The following KIAA1549L variants were observed in gnomAD, a reference collection of about 807,000 sequenced individuals.
KIAA1549L encodes KIAA1549 like.
Under a neutral mutation model 160.7 loss-of-function variants are expected in KIAA1549L, and 88 were observed. The ratio of observed to expected loss-of-function variants is 0.55; its 90% CI spans 0.46 to 0.65. KIAA1549L has a LOEUF of 0.65. KIAA1549L is among the 30% of genes least tolerant of loss of function. The pLI, the probability that KIAA1549L is intolerant of heterozygous loss-of-function variation, is 0.00. For synonymous variants in KIAA1549L, 950 were observed against 976.7 expected (o/e 0.97, Z 0.51); for missense variants, 2,258 against 2,437.5 (o/e 0.93, Z 1.55).
intron 1 of KIAA1549L, among the ~76,000 whole-genome samples, chr11:33,515,287 C>T (rs1391975053): frequency 6.6e-6 from 1 of 152,216 alleles, no homozygotes; most frequent in African/African-American, 2.4e-5. Flanking sequence ...TGTTCTCTCT[C>T]TCTCCATACC....
At chr11:33,607,384 G>A (rs1850534590) in intron 14 of KIAA1549L, among the ~76,000 whole-genome samples, 1 of 152,050 alleles carries the variant, frequency 6.6e-6, no homozygotes, top group Non-Finnish European at 1.5e-5. Flanking sequence ...AAAAAAAATT[G>A]TAACATTCAC....
intron 1 of KIAA1549L, among the ~76,000 whole-genome samples, chr11:33,432,144 AGC>A (rs1851262307): frequency 6.6e-6 from 1 of 152,188 alleles, no homozygotes; most frequent in African/African-American, 2.4e-5. Context: ...CCTCCCCGCA[AGC>A]TGAGGGAGTG....
At chr11:33,647,813 G>A (rs1026889193) in intron 17 of KIAA1549L, among the ~76,000 whole-genome samples, 2 of 151,860 alleles carry the variant, frequency 1.3e-5, no homozygotes, top group Admixed American at 1.3e-4. Context: ...TCCATTGTGG[G>A]TCATATGATG....
At chr11:33,556,468 AT>A (rs1161017964) in intron 6 of KIAA1549L, among the ~76,000 whole-genome samples, 6 of 152,252 alleles carry the variant, frequency 3.9e-5, no homozygotes, top group African/African-American at 1.4e-4. Context: ...ATGGAATATT[AT>A]TCAGCCTTTA....
rs1205849855 is a variant in KIAA1549L, at chr11:33,439,563, C to T, written c.238+62674C>T. ...GACTACAGGCGCCCACCAGCATGCC[C>T]GGCTAATTTTTTTTTTTTTTTTTTT... On this transcript the variant is annotated intron_variant, in intron 1 of 20. Coordinates refer to ENST00000658780, the MANE Select transcript of KIAA1549L (RefSeq NM_012194.3). Among the ~76,000 whole-genome samples, 7 of 144,456 alleles carry T rather than the reference C, an allele frequency of 4.8e-5. No homozygotes were observed. In the East Asian group the frequency reaches 6.0e-4, roughly 12 times the overall value. 94.8% of individuals were successfully genotyped at this position (144,456 alleles called of 152,430 possible). A position where few individuals can be genotyped will look rare whatever the true frequency, so the allele number is the denominator to read the frequency against.
At chr11:33,642,651 G>A (rs1194728889) in intron 16 of KIAA1549L, among the ~76,000 whole-genome samples, 1 of 149,992 alleles carries the variant, frequency 6.7e-6, no homozygotes, top group African/African-American at 2.5e-5. Flanking sequence ...TCAGGGTAGA[G>A]TAGGTAATCA....
At chr11:33,648,621 G>T (rs2133412562) in intron 17 of KIAA1549L, among the ~76,000 whole-genome samples, 1 of 151,912 alleles carries the variant, frequency 6.6e-6, no homozygotes, top group South Asian at 2.1e-4. Flanking sequence ...CATGGAAAAG[G>T]TTACTGCTGG....
At chr11:33,441,384 T>C (rs1851502785) in intron 1 of KIAA1549L, among the ~76,000 whole-genome samples, 1 of 151,942 alleles carries the variant, frequency 6.6e-6, no homozygotes, top group African/African-American at 2.4e-5. Flanking sequence ...TAAACATATG[T>C]GTGCATGTGT....
intron 1 of KIAA1549L, among the ~76,000 whole-genome samples, chr11:33,399,231 G>A (rs1384852262): frequency 6.6e-6 from 1 of 152,140 alleles, no homozygotes; most frequent in Non-Finnish European, 1.5e-5. Context: ...AGGATTACAG[G>A]TGTGAGTCAC....
intron 1 of KIAA1549L, among the ~76,000 whole-genome samples, chr11:33,518,044 G>A (rs1009380271): frequency 3.1e-4 from 45 of 146,542 alleles, no homozygotes; most frequent in African/African-American, 1.1e-3. Context: ...GGAGGCTGAG[G>A]CAGATAATTG....
At chr11:33,609,651 G>T in intron 14 of KIAA1549L, 98 bp from the exon 15 acceptor site, 1 of 964,634 alleles carries the variant, frequency 1.0e-6, no homozygotes, top group Admixed American at 2.1e-5. Flanking sequence ...GGTGATGCCT[G>T]TGATGGCTTT....
At chr11:33,529,412 G>A (rs1853687562) in intron 1 of KIAA1549L, among the ~76,000 whole-genome samples, 1 of 152,118 alleles carries the variant, frequency 6.6e-6, no homozygotes, top group East Asian at 1.9e-4. Context: ...TTGCTCTTCT[G>A]GATGGCAATC....
intron 16 of KIAA1549L, among the ~76,000 whole-genome samples, chr11:33,630,388 A>G (rs367766134): frequency 9.9e-5 from 15 of 151,928 alleles, no homozygotes; most frequent in Middle Eastern, 3.2e-3. Context: ...CCTCGCTGCC[A>G]CCTTGCAGTT....
intron 6 of KIAA1549L, among the ~76,000 whole-genome samples, chr11:33,554,508 T>C (rs533046988): frequency 6.6e-6 from 1 of 152,230 alleles, no homozygotes; most frequent in South Asian, 2.1e-4. Flanking sequence ...TCTCTTCCTG[T>C]CTTCGTTGGC....
chr11:33,437,271 A>G (rs781637196), intron 1 of KIAA1549L, among the ~76,000 whole-genome samples: 1 of 152,158 alleles, frequency 6.6e-6, no homozygotes, highest in Non-Finnish European at 1.5e-5. Flanking sequence ...CTGGGGTTGT[A>G]GCCTTTCGTG....
chr11:33,470,345 G>T (rs1408467824), intron 1 of KIAA1549L, among the ~76,000 whole-genome samples: 4 of 151,966 alleles, frequency 2.6e-5, no homozygotes, highest in African/African-American at 9.7e-5. Context: ...TTTACTTTTG[G>T]ACTCTCAGTT....
chr11:33,466,060 G>A (rs1433709855), intron 1 of KIAA1549L, among the ~76,000 whole-genome samples: 2 of 152,162 alleles, frequency 1.3e-5, no homozygotes, highest in African/African-American at 4.8e-5. Flanking sequence ...TCCATACATT[G>A]TAGACTGCTT....
At chr11:33,617,619 C>T (rs897045767) in intron 15 of KIAA1549L, among the ~76,000 whole-genome samples, 6 of 152,196 alleles carry the variant, frequency 3.9e-5, no homozygotes, top group Non-Finnish European at 7.3e-5. Context: ...TTTGTCACAG[C>T]TTAATAGCAC....
intron 1 of KIAA1549L, among the ~76,000 whole-genome samples, chr11:33,428,013 G>A (rs764159888): frequency 2.0e-5 from 3 of 152,088 alleles, no homozygotes; most frequent in South Asian, 2.1e-4. Flanking sequence ...TTATCAGTTC[G>A]TCCACTGATA....
Sources: allele counts gnomAD v4.1 joint callset (sites outside exome capture counted in the v4.1 genomes callset), GRCh38; gene constraint gnomAD v4.1.1; transcripts MANE v1.5; gene names NCBI Gene and HGNC (gene_info 2026-07-23, HGNC 2026-07-21).